The following GRID2 variants were observed in gnomAD, a reference collection of about 807,000 sequenced individuals.
GRID2 encodes glutamate receptor ionotropic, delta-2.
In GRID2, 33 loss-of-function variants were observed where a neutral mutation model predicts 114.8. The ratio of observed to expected loss-of-function variants is 0.29; its 90% confidence interval spans 0.22 to 0.38. The LOEUF is 0.38. GRID2 is among the 10% of genes least tolerant of loss of function. The probability of loss-of-function intolerance (pLI) is 1.00; values close to 1 mark genes in which losing one functional copy is unlikely to be tolerated. For missense variants in GRID2, 1,184 were observed against 1,257.7 expected (o/e 0.94, Z 0.89); for synonymous variants, 505 against 449.9 (o/e 1.12, Z -1.55).
intron 2 of GRID2, among the ~76,000 whole-genome samples, chr4:92,623,646 A>C (rs1730381768): frequency 6.6e-6 from 1 of 151,684 alleles, no homozygotes; most frequent in Admixed American, 6.6e-5. Flanking sequence ...TTATTCTGTT[A>C]ATGTAAGCAA....
At chr4:93,205,486 C>A (rs1742624615) in intron 4 of GRID2, among the ~76,000 whole-genome samples, 1 of 152,058 alleles carries the variant, frequency 6.6e-6, no homozygotes, top group Non-Finnish European at 1.5e-5. Context: ...AGGACATGAA[C>A]TCTTCATTTT....
intron 14 of GRID2, among the ~76,000 whole-genome samples, chr4:93,753,248 A>G (rs1470553736): frequency 6.6e-6 from 1 of 152,188 alleles, no homozygotes; most frequent in East Asian, 1.9e-4. Flanking sequence ...AGGATTAGTA[A>G]CATTAGGTTG....
At chr4:92,725,537 C>T (rs1252943721) in intron 2 of GRID2, among the ~76,000 whole-genome samples, 2 of 152,084 alleles carry the variant, frequency 1.3e-5, no homozygotes, top group Non-Finnish European at 2.9e-5. Context: ...TTACTGAAAA[C>T]TCTGCTTTTC....
chr4:92,567,342 G>A (rs62307851), intron 1 of GRID2, among the ~76,000 whole-genome samples: 15,451 of 151,730 alleles, frequency 0.1, 846 homozygotes, highest in African/African-American at 0.14. Context: ...CTACACAGTG[G>A]TTTTTCTTAT....
chr4:92,647,221 A>G, intron 2 of GRID2, among the ~76,000 whole-genome samples: 2 of 152,192 alleles, frequency 1.3e-5, no homozygotes, highest in Non-Finnish European at 2.9e-5. Flanking sequence ...TATGGGGATT[A>G]AATTAATGTT....
At chr4:92,494,095 A>G (rs373110492) in intron 1 of GRID2, among the ~76,000 whole-genome samples, 4 of 152,188 alleles carry the variant, frequency 2.6e-5, no homozygotes, top group African/African-American at 9.6e-5. Context: ...ATTATCTGAA[A>G]CCAATTACAT....
chr4:92,464,623 A>G (rs1721658054), intron 1 of GRID2, among the ~76,000 whole-genome samples: 1 of 152,160 alleles, frequency 6.6e-6, no homozygotes, highest in Non-Finnish European at 1.5e-5. Flanking sequence ...TCCATAAAAT[A>G]GCATATCCCA....
At chr4:93,659,641 T>C (rs948995225) in intron 14 of GRID2, among the ~76,000 whole-genome samples, 3 of 152,200 alleles carry the variant, frequency 2.0e-5, no homozygotes, top group Non-Finnish European at 4.4e-5. Context: ...CAGTGAATGA[T>C]TGGCAGACTA....
intron 1 of GRID2, among the ~76,000 whole-genome samples, chr4:93,788,123 C>T (rs1243136731): frequency 6.6e-6 from 1 of 152,050 alleles, no homozygotes; most frequent in African/African-American, 2.4e-5. Flanking sequence ...TCAAGACCAG[C>T]CTGCTCAACA....
chr4:92,330,426 A>G (rs1253383135), intron 1 of GRID2, among the ~76,000 whole-genome samples: 4 of 152,168 alleles, frequency 2.6e-5, no homozygotes, highest in Non-Finnish European at 4.4e-5. Flanking sequence ...CTCACTTTCA[A>G]TGGAATGTCC....
chr4:92,723,417 G>C (rs375642072), intron 2 of GRID2, among the ~76,000 whole-genome samples: 2 of 152,120 alleles, frequency 1.3e-5, no homozygotes, highest in African/African-American at 4.8e-5. Context: ...TGTAAGAGTT[G>C]TGTAATGTAT....
chr4:93,352,794 AGTTGTTGTT>A (rs373034781), intron 8 of GRID2, among the ~76,000 whole-genome samples: 2 of 151,972 alleles, frequency 1.3e-5, no homozygotes, highest in East Asian at 1.9e-4. Context: ...TTGTAGTTGT[AGTTGTTGTT>A]GTTGTTGTAG....
rs75225211 is a variant in GRID2, at chr4:93,216,803, G to A, written c.855G>A (p.Arg285=). Residue 285 remains arginine, a synonymous_variant, in exon 6 of 16, where the codon CGG becomes CGA. Transcript: ENST00000282020. ...RRSIGRLTII[R]QTFPVPQNIS... ...CAATTGGAAGGTTAACGATTATTCG[G>A]CAGACATTTCCAGTTCCCCAGAACA... The A allele has an allele frequency of 0.012, 19,997 of 1,612,010 alleles. 165 individuals are homozygous for A. The highest frequency in any genetic ancestry group is 0.015 in the Non-Finnish European group (17,697 of 1,178,156).
At chr4:92,633,982 C>T (rs1026589664) in intron 2 of GRID2, among the ~76,000 whole-genome samples, 3 of 151,644 alleles carry the variant, frequency 2.0e-5, no homozygotes, top group African/African-American at 4.8e-5. Context: ...ACAAGTTTAC[C>T]TCTCTTCTCT....
intron 11 of GRID2, among the ~76,000 whole-genome samples, chr4:93,482,142 C>A (rs1425478631): frequency 6.6e-6 from 1 of 151,944 alleles, no homozygotes; most frequent in Non-Finnish European, 1.5e-5. Flanking sequence ...ATCAAAATTT[C>A]AGAACCTTAT....
At chr4:92,485,204 A>G (rs1722803397) in intron 1 of GRID2, among the ~76,000 whole-genome samples, 2 of 150,118 alleles carry the variant, frequency 1.3e-5, no homozygotes, top group African/African-American at 4.9e-5. Flanking sequence ...GGAATCAGTG[A>G]GAATATTCAA....
intron 8 of GRID2, chr4:93,305,993 A>G (rs1485265595): frequency 6.6e-6 from 1 of 152,216 alleles, no homozygotes; most frequent in Non-Finnish European, 1.5e-5. Context: ...TTCTATTTCC[A>G]TAACTAAATT....
At chr4:92,676,204 A>G (rs1222207027) in intron 2 of GRID2, among the ~76,000 whole-genome samples, 17 of 102,118 alleles carry the variant, frequency 1.7e-4, no homozygotes, top group African/African-American at 5.0e-4. Flanking sequence ...TTGTTGAGAC[A>G]GAGTCTCGCT....
At chr4:93,071,518 A>G (rs554875263) in intron 2 of GRID2, among the ~76,000 whole-genome samples, 4 of 152,286 alleles carry the variant, frequency 2.6e-5, no homozygotes, top group African/African-American at 9.6e-5. Context: ...GAAAATATTA[A>G]GTAAGGTCAG....
Sources: allele counts gnomAD v4.1 joint callset (sites outside exome capture counted in the v4.1 genomes callset), GRCh38; gene constraint gnomAD v4.1.1; transcripts MANE v1.5; gene names NCBI Gene and HGNC (gene_info 2026-07-23, HGNC 2026-07-21).